Variants in CALD1 observed in about 807,000 individuals in gnomAD.
CALD1 encodes caldesmon.
In CALD1, 33 loss-of-function variants were observed where a neutral mutation model predicts 99.9. The ratio of observed to expected loss-of-function variants is 0.33; its 90% CI spans 0.25 to 0.44. The LOEUF is 0.44. CALD1 is among the 20% of genes least tolerant of loss of function. CALD1 has a pLI of 1.00. For synonymous variants in CALD1, 310 were observed against 325.0 expected, an observed-to-expected ratio of 0.95 and a Z score of 0.50; for missense variants, 861 against 962.1, an observed-to-expected ratio of 0.89 and a Z score of 1.39.
At chr7:134,805,242 C>T (rs547399206) in intron 1 of CALD1, among the ~76,000 whole-genome samples, 69 of 152,294 alleles carry the variant, frequency 4.5e-4, no homozygotes, top group Middle Eastern at 3.4e-3. Flanking sequence ...CACACAGTCT[C>T]CTCTGTCACT....
chr7:134,954,517 A>C (rs1411853880), intron 9 of CALD1, among the ~76,000 whole-genome samples: 1 of 152,224 alleles, frequency 6.6e-6, no homozygotes, highest in Non-Finnish European at 1.5e-5. Context: ...GCAGGAGTGC[A>C]TCAGTAAACG....
intron 2 of CALD1, among the ~76,000 whole-genome samples, chr7:134,865,336 C>G (rs576688278): frequency 6.6e-6 from 1 of 152,014 alleles, no homozygotes; most frequent in East Asian, 1.9e-4. Flanking sequence ...ACACATACAG[C>G]TTCTCTCCCC....
chr7:134,897,748 T>G (rs559453926), intron 3 of CALD1, among the ~76,000 whole-genome samples: 6 of 152,226 alleles, frequency 3.9e-5, no homozygotes, highest in African/African-American at 1.4e-4. Context: ...CTCTGGTCAC[T>G]CAGTCTGGAG....
intron 1 of CALD1, among the ~76,000 whole-genome samples, chr7:134,807,335 G>A (rs1436618065): frequency 6.6e-6 from 1 of 152,152 alleles, no homozygotes. Flanking sequence ...CTCACTGGGG[G>A]TATAAAGAAG....
intron 13 of CALD1, among the ~76,000 whole-genome samples, chr7:134,963,680 A>T (rs1808449383): frequency 6.6e-6 from 1 of 152,256 alleles, no homozygotes; most frequent in African/African-American, 2.4e-5. Context: ...AGGAGGTAGT[A>T]AATAAAGACT....
At chr7:134,769,601 G>C (rs74303685) in intron 1 of CALD1, among the ~76,000 whole-genome samples, 2 of 136,814 alleles carry the variant, frequency 1.5e-5, no homozygotes, top group South Asian at 2.5e-4. Context: ...CTCTCTCTCT[G>C]TGTCAGTTGA....
At chr7:134,927,276 T>C (rs745328510) in intron 3 of CALD1, among the ~76,000 whole-genome samples, 2 of 152,170 alleles carry the variant, frequency 1.3e-5, no homozygotes, top group African/African-American at 2.4e-5. Context: ...ATAGTGATAT[T>C]GATTTGTAAT....
intron 3 of CALD1, among the ~76,000 whole-genome samples, chr7:134,918,969 C>A (rs1424399053): frequency 6.6e-6 from 1 of 152,114 alleles, no homozygotes; most frequent in Non-Finnish European, 1.5e-5. Context: ...GAGTGCACAC[C>A]AGCTGGGTTA....
intron 9 of CALD1, among the ~76,000 whole-genome samples, chr7:134,953,596 TG>T (rs1485370775): frequency 6.6e-6 from 1 of 150,756 alleles, no homozygotes; most frequent in African/African-American, 2.4e-5. Flanking sequence ...AAGCCTTCCT[TG>T]AACAGTCTTG....
At chr7:134,771,386 C>T (rs1796876844) in intron 1 of CALD1, among the ~76,000 whole-genome samples, 1 of 152,178 alleles carries the variant, frequency 6.6e-6, no homozygotes, top group African/African-American at 2.4e-5. Context: ...TTCAATAGCA[C>T]TCCCATTCAC....
intron 1 of CALD1, among the ~76,000 whole-genome samples, chr7:134,782,026 A>C (rs1797124502): frequency 6.6e-6 from 1 of 152,246 alleles, no homozygotes; most frequent in African/African-American, 2.4e-5. Flanking sequence ...GTAAAGGTCC[A>C]GAATCTAGCC....
chr7:134,812,639 T>C (rs1798397761), intron 1 of CALD1, among the ~76,000 whole-genome samples: 1 of 151,404 alleles, frequency 6.6e-6, no homozygotes. Context: ...GGAATAATGG[T>C]GTTTTCATTT....
upstream of CALD1, among the ~76,000 whole-genome samples, chr7:134,743,388 T>C (rs1796607374): frequency 6.6e-6 from 1 of 152,220 alleles, no homozygotes; most frequent in African/African-American, 2.4e-5. Context: ...AAATGCTTTA[T>C]ATTTCTAAAA....
rs1010083385 is a variant in CALD1, at chr7:134,779,663, C to T, written c.-216C>T. 1 of 398,654 alleles carries T rather than the reference C, an allele frequency of 2.5e-6. No homozygotes were observed. Among genetic ancestry groups the T allele is most frequent in the Non-Finnish European group, 4.4e-6 (1 of 226,216 alleles). The allele number at this position is 398,654 out of a possible 1,614,324, so 24.7% of individuals were successfully genotyped here. On this transcript the variant is annotated 5_prime_UTR_variant, in exon 1 of 15. Coordinates refer to ENST00000361675, the MANE Select transcript of CALD1 (RefSeq NM_033138.4). ...TGTATTCGGCTGCCTGCCTGCCCGC[C>T]TGCTTGCTCTCTGGCTGTGCTCCTG...
At chr7:134,825,201 T>C (rs1057455291) in intron 1 of CALD1, among the ~76,000 whole-genome samples, 2 of 152,078 alleles carry the variant, frequency 1.3e-5, no homozygotes, top group Non-Finnish European at 2.9e-5. Context: ...AAAAGGAGCA[T>C]GGGAAAAGGG....
At chr7:134,867,895 G>T in intron 3 of CALD1, 91 bp downstream of exon 3, 1 of 662,622 alleles carries the variant, frequency 1.5e-6, no homozygotes, top group Non-Finnish European at 2.5e-6. Flanking sequence ...GGCCAAATGT[G>T]GTCATATCGC....
the CALD1 span, among the ~76,000 whole-genome samples, chr7:134,728,285 C>G: frequency 2.6e-5 from 4 of 152,144 alleles, no homozygotes; most frequent in African/African-American, 9.7e-5. Flanking sequence ...AATCGGTCAG[C>G]CCCCTGAGCC....
intron 2 of CALD1, among the ~76,000 whole-genome samples, chr7:134,848,178 AT>A (rs3837076): frequency 4.6e-5 from 7 of 151,394 alleles, no homozygotes; most frequent in South Asian, 2.1e-4. Context: ...TTAAATCTGG[AT>A]TTTTTTTTAA....
chr7:134,831,670 T>C (rs1799227851), intron 1 of CALD1, among the ~76,000 whole-genome samples: 1 of 152,198 alleles, frequency 6.6e-6, no homozygotes, highest in African/African-American at 2.4e-5. Context: ...GTATACTTTC[T>C]ATAATAAAAT....
Sources: allele counts gnomAD v4.1 joint callset (sites outside exome capture counted in the v4.1 genomes callset), GRCh38; gene constraint gnomAD v4.1.1; transcripts MANE v1.5; gene names NCBI Gene and HGNC (gene_info 2026-07-23, HGNC 2026-07-21).